Variants in RSPH4A observed in about 807,000 individuals in gnomAD.
RSPH4A encodes radial spoke head component 4A, also known as radial spoke head protein 4 homolog A.
A neutral mutation model predicts 71.0 loss-of-function variants in RSPH4A; 47 were observed. The observed-to-expected ratio is 0.66, with a 90% CI of 0.52 to 0.84. The LOEUF (loss-of-function observed/expected upper bound fraction) is 0.84. Ranked by LOEUF, RSPH4A falls within the 40% of genes least tolerant of loss-of-function variation. The pLI is 0.00. For missense variants in RSPH4A, 793 were observed against 855.2 expected (o/e 0.93, Z 0.91); for synonymous variants, 282 against 302.3 (o/e 0.93, Z 0.70).
intron 5 of RSPH4A, among the ~76,000 whole-genome samples, chr6:116,631,559 C>G (rs1239186430): frequency 6.6e-6 from 1 of 152,130 alleles, no homozygotes; most frequent in Non-Finnish European, 1.5e-5. Context: ...TGAAAAAGTG[C>G]TGAGCACAGA....
chr6:116,621,578 C>T lies in RSPH4A; in HGVS notation c.687-1190C>T, dbSNP rs540340012. On this transcript the variant is annotated intron_variant, in intron 1 of 5. Coordinates refer to ENST00000229554, the MANE Select transcript of RSPH4A (RefSeq NM_001010892.3). The stretch of plus-strand genomic sequence containing the variant: ...AATTTCAGAGCAGCATATCATTGTT[C>T]TCAGAAAGAACTCCTCTGAACTGGG... 9.2e-5 allele frequency among the ~76,000 whole-genome samples: 14 copies of T among 152,186 alleles called. No individual in the cohort carries two copies. In the South Asian group the frequency reaches 2.7e-3, roughly 29 times the overall value.
chr6:116,622,933 A>C lies in RSPH4A; in HGVS notation c.852A>C (p.Ala284=). The C allele has an allele frequency of 2.5e-6, 4 of 1,614,006 alleles. No individual in the cohort carries two copies. In the South Asian group the frequency reaches 3.3e-5, roughly 13 times the overall value. The change falls in exon 2 of 6, where the codon GCA becomes GCC. Residue 284 remains alanine (A), a synonymous_variant. Coordinates refer to ENST00000229554, the MANE Select transcript of RSPH4A (RefSeq NM_001010892.3). The part of the protein sequence containing the change: ...ENELLPTYEI[A]EKQKALFLQG... ...AGTTGCTTCCAACATATGAAATAGC[A>C]GAAAAGCAAAAGGCTCTTTTTCTCC...
At chr6:116,625,495 T>G (rs1775679742) in intron 2 of RSPH4A, among the ~76,000 whole-genome samples, 1 of 152,096 alleles carries the variant, frequency 6.6e-6, no homozygotes, top group Non-Finnish European at 1.5e-5. Context: ...AAATAGAGAA[T>G]AGCATGGTCT....
chr6:116,620,918 G>A (rs984304652), intron 1 of RSPH4A, among the ~76,000 whole-genome samples: 1 of 152,110 alleles, frequency 6.6e-6, no homozygotes, highest in Admixed American at 6.6e-5. Context: ...GAGTGCAGTG[G>A]CACAATCTTG....
chr6:116,627,938 T>C lies in RSPH4A; in HGVS notation c.1231T>C (p.Tyr411His). The stretch of plus-strand genomic sequence containing the variant: ...GGAAGATGAATTACCAAAGTCCTTT[T>C]ACAAGGCCCCACAGGCTATACCAAA... ...DEEDELPKSF[Y>H]KAPQAIPKEE... The change falls in exon 3 of 6, where the codon TAC (tyrosine) becomes CAC (histidine). Residue 411 changes from tyrosine to histidine, a missense_variant. Transcript: ENST00000229554. The C allele has an allele frequency of 6.2e-7, 1 of 1,614,150 alleles. No homozygotes were observed. Among genetic ancestry groups the C allele is most frequent in the Non-Finnish European group, 8.5e-7 (1 of 1,180,014 alleles).
Position 116,632,653 on chromosome 6 carries a change from G to A in RSPH4A, c.*212G>A, listed in dbSNP as rs1775827084. The A allele has an allele frequency of 5.7e-5, 33 of 579,240 alleles. No homozygotes were observed. In the South Asian group the frequency reaches 6.6e-4, roughly 12 times the overall value. 35.9% of individuals were successfully genotyped at this position (579,240 alleles called of 1,614,324 possible). The stretch of plus-strand genomic sequence containing the variant: ...TGAAAGATACTCACAGGATTTTCCA[G>A]AGGCTAAATAACATGCAATTGCATA... On this transcript the variant is annotated 3_prime_UTR_variant, in exon 6 of 6. Transcript: ENST00000229554.
In RSPH4A at chr6:116,627,988, C is replaced by G. The variant is rs1775726286; in HGVS notation, c.1281C>G (p.Asn427Lys). The G allele has an allele frequency of 6.2e-7, 1 of 1,614,054 alleles. No individual in the cohort carries two copies. The highest frequency in any genetic ancestry group is 1.7e-5 in the Admixed American group (1 of 60,008). The change falls in exon 3 of 6, where the codon AAC (asparagine) becomes AAG (lysine). Residue 427 changes from asparagine (N) to lysine (K), a missense_variant. Asn to Lys is a moderately conservative substitution (Grantham distance 94). Coordinates refer to ENST00000229554, the MANE Select transcript of RSPH4A (RefSeq NM_001010892.3). ...AAGAAGAAAGTAGAACAGGTGCCAA[C>G]AAATATGTCTATTTTGTTTGCAATG... is the stretch of plus-strand genomic sequence containing the variant. Reference protein sequence around the residue: ...IPKEESRTGANKYVYFVCNEP... With the variant: ...IPKEESRTGAKKYVYFVCNEP...
At chr6:116,629,762 A>T in intron 4 of RSPH4A, 60 bp downstream of exon 4, 1 of 1,437,340 alleles carries the variant, frequency 7.0e-7, no homozygotes, top group Non-Finnish European at 9.8e-7. Context: ...TACTGTGTGC[A>T]TTATATAGTA....
chr6:116,627,808 TG>T lies in RSPH4A; in HGVS notation c.1102del (p.Val368Ter), dbSNP rs780057048. 6.2e-7 allele frequency: 1 copy of T among 1,614,100 alleles called. No homozygotes were observed. The highest frequency in any genetic ancestry group is 8.5e-7 in the Non-Finnish European group (1 of 1,180,022). The stretch of plus-strand genomic sequence containing the variant: ...TCTTGGGTCTGGAAATGAATTATAT[TG>T]TAGCTGAAGTGGAATTTCGTGAGGG... ...KILGLEMNYIVAEVEFREGED... is the reference protein window; with the variant it reads ...KILGLEMNYIXAEVEFREGED... On this transcript the variant is annotated frameshift_variant, in exon 3 of 6. Transcript: ENST00000229554. LOFTEE classifies it high-confidence loss of function.
chr6:116,617,601 T>C (rs1327680402), intron 1 of RSPH4A, among the ~76,000 whole-genome samples: 1 of 151,976 alleles, frequency 6.6e-6, no homozygotes, highest in African/African-American at 2.4e-5. Flanking sequence ...AATCTCGGGC[T>C]TGAAAAAGAC....
chr6:116,627,993 A>C lies in RSPH4A; in HGVS notation c.1286A>C (p.Tyr429Ser). ...KEESRTGANK[Y>S]VYFVCNEPGR... The stretch of plus-strand genomic sequence containing the variant: ...GAAAGTAGAACAGGTGCCAACAAAT[A>C]TGTCTATTTTGTTTGCAATGAACCA... The change falls in exon 3 of 6, where the codon TAT (tyrosine) becomes TCT (serine). Residue 429 changes from tyrosine (Y) to serine (S), a missense_variant. Transcript: ENST00000229554. 6.2e-7 allele frequency: 1 copy of C among 1,614,132 alleles called. No homozygotes were observed.
chr6:116,625,342 T>C lies in RSPH4A; in HGVS notation c.922-2287T>C, dbSNP rs113388349. Among the ~76,000 whole-genome samples, 10 of 152,218 alleles carry C rather than the reference T, an allele frequency of 6.6e-5. 1 individual carries two copies. Among genetic ancestry groups the C allele is most frequent in the African/African-American group, 2.2e-4 (9 of 41,534 alleles). ...CTTAGAAAAAGGAACAATAAAATAA[T>C]TAGGAAAGATTATTTAATGTTTGGA... On this transcript the variant is annotated intron_variant, in intron 2 of 5. Transcript: ENST00000229554.
chr6:116,622,648 G>GT (rs918714064), intron 1 of RSPH4A, 120 bp from the exon 2 acceptor site: 20 of 679,408 alleles, frequency 2.9e-5, no homozygotes, highest in Non-Finnish European at 4.7e-5. Flanking sequence ...TATATATTTT[G>GT]TTTTTTTCTT....
In RSPH4A at chr6:116,616,933, C is replaced by G; in HGVS notation, c.310C>G (p.Leu104Val). Reference sequence around the variant, plus strand: ...TCCCCTGGCTCCGGCCAGACAAGACCTCGCGGCACCACCTCAGTCGGACAG... The same window carrying G: ...TCCCCTGGCTCCGGCCAGACAAGACGTCGCGGCACCACCTCAGTCGGACAG... The part of the protein sequence containing the change: ...PSPLAPARQD[L>V]AAPPQSDRTT... The change falls in exon 1 of 6, where the codon CTC becomes GTC. Residue 104 changes from leucine to valine, a missense_variant. Physicochemically the swap from Leu to Val is conservative, Grantham distance 32 (BLOSUM62 1). Coordinates refer to ENST00000229554, the MANE Select transcript of RSPH4A (RefSeq NM_001010892.3). 1 of 1,614,224 alleles carries G rather than the reference C, an allele frequency of 6.2e-7. No homozygotes were observed. The highest frequency in any genetic ancestry group is 1.1e-5 in the South Asian group (1 of 91,082).
chr6:116,618,133 G>A (rs114384731), intron 1 of RSPH4A, among the ~76,000 whole-genome samples: 1,983 of 152,186 alleles, frequency 0.013, 38 homozygotes, highest in African/African-American at 0.036. Context: ...AACACTTACC[G>A]ACTCTTACCT....
chr6:116,616,485 A>T lies in RSPH4A; in HGVS notation c.-139A>T. ...AACCCGGCCTGGGGTTGCTATGGAG[A>T]TAGGACGCAGCAACTCACAGAGCAA... is the stretch of plus-strand genomic sequence containing the variant. On this transcript the variant is annotated 5_prime_UTR_variant, in exon 1 of 6. Transcript: ENST00000229554. The T allele has an allele frequency of 1.3e-6, 1 of 763,236 alleles. No individual in the cohort carries two copies. Among genetic ancestry groups the T allele is most frequent in the Non-Finnish European group, 2.2e-6 (1 of 445,792 alleles). The allele number at this position is 763,236 out of a possible 1,614,324, so 47.3% of individuals were successfully genotyped here. A position where few individuals can be genotyped will look rare whatever the true frequency, so the allele number is the denominator to read the frequency against.
At position 116,622,912 on chromosome 6, in the gene RSPH4A, G is replaced by A; in HGVS notation, c.831G>A (p.Leu277=). ...KFDALQNENE[L]LPTYEIAEKQ... is the part of the protein sequence containing the mutation. ...ATGCACTACAAAATGAGAATGAGTTGCTTCCAACATATGAAATAGCAGAAA... is the reference window on the plus strand; with the variant it reads ...ATGCACTACAAAATGAGAATGAGTTACTTCCAACATATGAAATAGCAGAAA... The change falls in exon 2 of 6, where the codon TTG becomes TTA. Residue 277 remains leucine, a synonymous_variant. Coordinates refer to ENST00000229554, the MANE Select transcript of RSPH4A (RefSeq NM_001010892.3). The A allele has an allele frequency of 6.2e-7, 1 of 1,613,892 alleles. No individual in the cohort carries two copies. Among genetic ancestry groups the A allele is most frequent in the Non-Finnish European group, 8.5e-7 (1 of 1,179,850 alleles).
In RSPH4A at chr6:116,630,529, A is replaced by G. The variant is rs1248837472; in HGVS notation, c.1893A>G (p.Gly631=). 1.9e-6 allele frequency: 3 copies of G among 1,579,846 alleles called. No individual in the cohort carries two copies. Among genetic ancestry groups the G allele is most frequent in the Non-Finnish European group, 2.6e-6 (3 of 1,149,126 alleles). Residue 631 remains glycine, a synonymous_variant, in exon 5 of 6, where the codon GGA becomes GGG. Transcript: ENST00000229554. ...IAVLQSNLWP[G]AYAFSNGKKF... Reference sequence around the variant, plus strand: ...TCCTTCAATCCAACCTTTGGCCTGGAGCATATGCCTTCTCCAATGGCAAGT... The same window carrying G: ...TCCTTCAATCCAACCTTTGGCCTGGGGCATATGCCTTCTCCAATGGCAAGT...
At position 116,617,183 on chromosome 6, in the gene RSPH4A, A is replaced by T. The variant is rs758078631; in HGVS notation, c.560A>T (p.Asn187Ile). ...GACGTTTTTCAGGAGGAAGACTCAA[A>T]CAGTGACTATGATTTACAGCAGCCG... Reference protein sequence around the residue: ...RFDVFQEEDSNSDYDLQQPAP... With the variant: ...RFDVFQEEDSISDYDLQQPAP... Residue 187 changes from asparagine (N) to isoleucine (I), a missense_variant, in exon 1 of 6, where the codon AAC becomes ATC. Asn to Ile is a moderately radical substitution (Grantham distance 149). Coordinates refer to ENST00000229554, the MANE Select transcript of RSPH4A (RefSeq NM_001010892.3). 5.6e-6 allele frequency: 9 copies of T among 1,614,092 alleles called. No homozygotes were observed. The Admixed American group carries it at 1.5e-4, about 27-fold the overall frequency.
Sources: gnomAD v4.1 joint callset for allele counts (sites outside exome capture counted in the v4.1 genomes callset) on GRCh38, gnomAD v4.1.1 for gene constraint, MANE v1.5 for transcripts, NCBI Gene and HGNC (gene_info 2026-07-23, HGNC 2026-07-21) for gene names.